The following SAMD3 variants were observed in gnomAD, a reference collection of about 807,000 sequenced individuals.
The protein encoded by SAMD3 is sterile alpha motif domain containing 3, also known as sterile alpha motif domain-containing protein 3.
A neutral mutation model predicts 58.5 loss-of-function variants in SAMD3; 63 were observed. The ratio of observed to expected loss-of-function variants is 1.08; its 90% CI spans 0.88 to 1.33. The LOEUF (loss-of-function observed/expected upper bound fraction) is 1.33. Ranked by LOEUF, SAMD3 falls within the 40% of genes most tolerant of loss-of-function variation. The pLI, the probability that SAMD3 is intolerant of heterozygous loss-of-function variation, is 0.00. For missense variants in SAMD3, 604 were observed against 608.4 expected (o/e 0.99, Z 0.08); for synonymous variants, 220 against 210.3 (o/e 1.05, Z -0.40).
intron 5 of SAMD3, among the ~76,000 whole-genome samples, chr6:130,201,448 C>T (rs1794647852): frequency 6.6e-6 from 1 of 152,156 alleles, no homozygotes; most frequent in Admixed American, 6.5e-5. Context: ...ATCCCAGGCC[C>T]CACCCTAACC....
At chr6:130,192,783 C>T (rs531828131) in intron 5 of SAMD3, among the ~76,000 whole-genome samples, 4 of 152,276 alleles carry the variant, frequency 2.6e-5, no homozygotes, top group East Asian at 1.9e-4. Context: ...CTCTTTGCTC[C>T]GTGAGAAAGA....
intron 9 of SAMD3, among the ~76,000 whole-genome samples, chr6:130,153,643 A>G (rs1789418647): frequency 2.3e-5 from 1 of 43,488 alleles, no homozygotes; most frequent in African/African-American, 6.7e-5. Flanking sequence ...TACCCATTAA[A>G]TTTCATATAT....
chr6:130,145,313 A>T, intron 11 of SAMD3, 27 bp downstream of exon 11: 1 of 1,173,014 alleles, frequency 8.5e-7, no homozygotes, highest in Non-Finnish European at 1.2e-6. Context: ...AAAATGTCAA[A>T]CTAGTGGCCA....
chr6:130,333,325 C>T (rs1462038161), intron 1 of SAMD3, among the ~76,000 whole-genome samples: 1 of 152,148 alleles, frequency 6.6e-6, no homozygotes, highest in Non-Finnish European at 1.5e-5. Flanking sequence ...CTCCCACCAC[C>T]CATTCAAGAT....
intron 10 of SAMD3, 30 bp from the exon 11 acceptor site, chr6:130,145,452 G>A: frequency 6.7e-7 from 1 of 1,488,638 alleles, no homozygotes. Context: ...AACATGTGAA[G>A]TAAAAATAAG....
At chr6:130,171,084 T>C (rs1036218839) in intron 8 of SAMD3, among the ~76,000 whole-genome samples, 7 of 150,402 alleles carry the variant, frequency 4.7e-5, no homozygotes, top group African/African-American at 1.7e-4. Context: ...GGGTTTGTCA[T>C]AACTAGCTCT....
intron 1 of SAMD3, among the ~76,000 whole-genome samples, chr6:130,327,441 T>C (rs546403110): frequency 6.6e-6 from 1 of 152,274 alleles, no homozygotes; most frequent in East Asian, 1.9e-4. Context: ...TCTTAAATAT[T>C]AGAGATTTAG....
At chr6:130,228,333 C>T (rs905718419) in intron 2 of SAMD3, among the ~76,000 whole-genome samples, 6 of 152,092 alleles carry the variant, frequency 3.9e-5, no homozygotes, top group African/African-American at 1.2e-4. Flanking sequence ...TTGTTTAACC[C>T]GTTGTGCATT....
chr6:130,154,787 T>A, intron 9 of SAMD3, 38 bp downstream of exon 9: 1 of 1,107,300 alleles, frequency 9.0e-7, no homozygotes, highest in Non-Finnish European at 1.3e-6. Flanking sequence ...TGTATATACA[T>A]ATATATGTGT....
intron 2 of SAMD3, among the ~76,000 whole-genome samples, chr6:130,235,114 CA>C (rs1056955045): frequency 6.6e-6 from 1 of 150,860 alleles, no homozygotes; most frequent in African/African-American, 2.4e-5. Context: ...AACCCTGTCT[CA>C]AAAAAAAGGA....
At chr6:130,179,538 TG>T (rs1339199559) in intron 7 of SAMD3, among the ~76,000 whole-genome samples, 1 of 149,956 alleles carries the variant, frequency 6.7e-6, no homozygotes, top group African/African-American at 2.5e-5. Flanking sequence ...ACATGGCAAC[TG>T]GACTAGACTT....
At chr6:130,329,713 T>A (rs1256281717) in intron 1 of SAMD3, among the ~76,000 whole-genome samples, 2 of 152,110 alleles carry the variant, frequency 1.3e-5, no homozygotes. Flanking sequence ...GGCACATATA[T>A]GTCATGGAGT....
chr6:130,258,261 A>G (rs1583016512), intron 2 of SAMD3, among the ~76,000 whole-genome samples: 1 of 152,024 alleles, frequency 6.6e-6, no homozygotes, highest in South Asian at 2.1e-4. Context: ...CATTCTACCT[A>G]TCTCTCCCTG....
intron 4 of SAMD3, among the ~76,000 whole-genome samples, chr6:130,212,528 G>A (rs1216159232): frequency 6.6e-6 from 1 of 152,204 alleles, no homozygotes; most frequent in African/African-American, 2.4e-5. Flanking sequence ...CTCAAAGACT[G>A]TGATACTCCT....
In SAMD3 at chr6:130,233,432, A is replaced by G. The variant is rs1479035020; in HGVS notation, c.-187-10619T>C. Among the ~76,000 whole-genome samples the G allele has an allele frequency of 2.6e-5, 4 of 152,174 alleles. No homozygotes were observed. In the East Asian group the frequency reaches 7.7e-4, roughly 29 times the overall value. On this transcript the variant is annotated intron_variant, in intron 2 of 13. Coordinates refer to the SAMD3 transcript ENST00000368134. ...GCTTTGGATTTCAAACTAAACATGGAAAGGATTTGATTTAAATTTCAGATG... is the reference window on the plus strand; with the variant it reads ...GCTTTGGATTTCAAACTAAACATGGGAAGGATTTGATTTAAATTTCAGATG...
At chr6:130,149,208 G>A (rs1010907763) in intron 9 of SAMD3, among the ~76,000 whole-genome samples, 1 of 152,122 alleles carries the variant, frequency 6.6e-6, no homozygotes, top group African/African-American at 2.4e-5. Flanking sequence ...ACTAACATCT[G>A]TGTAGCCAAG....
At chr6:130,238,053 A>G (rs1773225609) in intron 2 of SAMD3, among the ~76,000 whole-genome samples, 1 of 152,226 alleles carries the variant, frequency 6.6e-6, no homozygotes, top group Admixed American at 6.5e-5. Context: ...AAAAGAAAAA[A>G]GAACTAAAGA....
chr6:130,147,761 C>A (rs1562364036), intron 9 of SAMD3, among the ~76,000 whole-genome samples: 1 of 152,176 alleles, frequency 6.6e-6, no homozygotes, highest in Non-Finnish European at 1.5e-5. Context: ...TCCAGGATCC[C>A]ATATGAGATT....
intron 4 of SAMD3, among the ~76,000 whole-genome samples, chr6:130,211,276 A>ATTT (rs762531402): frequency 6.4e-5 from 6 of 93,836 alleles, no homozygotes; most frequent in East Asian, 2.4e-4. Context: ...GCCAATCAGA[A>ATTT]TTTTTTTTTT....
Sources: allele counts gnomAD v4.1 joint callset (sites outside exome capture counted in the v4.1 genomes callset), GRCh38; gene constraint gnomAD v4.1.1; transcripts MANE v1.5; gene names NCBI Gene and HGNC (gene_info 2026-07-23, HGNC 2026-07-21).